The following SMCHD1 variants were observed in gnomAD, a reference collection of about 807,000 sequenced individuals.
The protein encoded by SMCHD1 is structural maintenance of chromosomes flexible hinge domain containing 1, also known as structural maintenance of chromosomes flexible hinge domain-containing protein 1.
SMCHD1 carries 78 observed loss-of-function variants against 254.7 expected under a neutral mutation model. The ratio of observed to expected loss-of-function variants is 0.31; its 90% confidence interval spans 0.26 to 0.37. The LOEUF (loss-of-function observed/expected upper bound fraction) is 0.37, where lower values mean the gene tolerates loss of function less well. Ranked by LOEUF, SMCHD1 falls within the 10% of genes least tolerant of loss-of-function variation. The pLI, the probability that SMCHD1 is intolerant of heterozygous loss-of-function variation, is 1.00. For missense variants in SMCHD1, 1,840 were observed against 2,408.1 expected (o/e 0.76, Z 4.94); for synonymous variants, 766 against 794.9 (o/e 0.96, Z 0.61).
chr18:2,773,697 G>A (rs575125301), intron 41 of SMCHD1, among the ~76,000 whole-genome samples: 3 of 152,228 alleles, frequency 2.0e-5, no homozygotes, highest in Non-Finnish European at 2.9e-5. Context: ...CAAGACAGGC[G>A]CATTACCTGA....
rs1430015626 is a variant in SMCHD1 at position 2,726,354 on chromosome 18, A to G, written c.2701-98A>G. ...GTTGGTAAGTAATTTCTACAATGGT[A>G]TGAAAATAAAACCAAAATATAAATC... On this transcript the variant is annotated intron_variant, in intron 21 of 47. Transcript: ENST00000320876. 4 of 599,280 alleles carry G rather than the reference A, an allele frequency of 6.7e-6. No individual in the cohort carries two copies. In the Admixed American group the frequency reaches 1.1e-4, roughly 16 times the overall value. The allele number at this position is 599,280 out of a possible 1,614,324, so 37.1% of individuals were successfully genotyped here.
At chr18:2,778,435 C>A (rs111998874) in intron 44 of SMCHD1, among the ~76,000 whole-genome samples, 196 bp downstream of exon 44, 3 of 152,064 alleles carry the variant, frequency 2.0e-5, no homozygotes, top group African/African-American at 7.2e-5. Context: ...TTTGGGGCTA[C>A]GAAATTGTCT....
rs536098845 is a variant in SMCHD1 at position 2,683,383 on chromosome 18, G to A, written c.639-5011G>A. On this transcript the variant is annotated intron_variant, in intron 5 of 47. Transcript: ENST00000320876. ...TCCTTTGCAACTTGGTATTTAACCT[G>A]TGGATTGTTTTAAAAGTGTGTGAAT... Among the ~76,000 whole-genome samples the A allele has an allele frequency of 1.1e-4, 16 of 152,250 alleles. No homozygotes were observed. In the East Asian group the frequency reaches 3.1e-3, roughly 29 times the overall value.
At chr18:2,769,895 A>T (rs2075945693) in intron 38 of SMCHD1, 75 bp downstream of exon 38, 2 of 1,544,246 alleles carry the variant, frequency 1.3e-6, no homozygotes, top group African/African-American at 2.8e-5. Context: ...GCTTTCCATT[A>T]ACTTGGTGTT....
At position 2,802,777 on chromosome 18, in the gene SMCHD1, T is replaced by C. The variant is rs2076387587; in HGVS notation, c.*225T>C. On this transcript the variant is annotated 3_prime_UTR_variant, in exon 48 of 48. Transcript: ENST00000320876. The stretch of plus-strand genomic sequence containing the variant: ...GATTTACTGGAATTATTCCAGACAT[T>C]ATGCCCTTTGGTTGTCACTACCTTG... 1 of 425,244 alleles carries C rather than the reference T, an allele frequency of 2.4e-6. No homozygotes were observed. The highest frequency in any genetic ancestry group is 3.6e-5 in the East Asian group (1 of 27,480). 26.3% of individuals were successfully genotyped at this position (425,244 alleles called of 1,614,324 possible).
chr18:2,659,213 G>T (rs1328608885), intron 1 of SMCHD1, among the ~76,000 whole-genome samples: 1 of 152,170 alleles, frequency 6.6e-6, no homozygotes, highest in Non-Finnish European at 1.5e-5. Flanking sequence ...TGCCACCCAG[G>T]TTCAAGTGAT....
At chr18:2,754,259 AT>A (rs772677636) in intron 34 of SMCHD1, among the ~76,000 whole-genome samples, 1 of 152,202 alleles carries the variant, frequency 6.6e-6, no homozygotes, top group Non-Finnish European at 1.5e-5. Flanking sequence ...TTACTATATT[AT>A]TGTGTTGGGG....
rs750886269 is a variant in SMCHD1 at position 2,666,929 on chromosome 18, C to G, written c.322C>G (p.Leu108Val). ...GCTACAGTCGGTCAATCAGTTACTA[C>G]TGACAGCTACGAAAGAACGAATTGA... Reference protein sequence around the residue: ...YLLQSVNQLLLTATKERIDFL... With the variant: ...YLLQSVNQLLVTATKERIDFL... Residue 108 changes from leucine (L) to valine (V), a missense_variant, in exon 3 of 48, where the codon CTG becomes GTG. This residue lies in a region of SMCHD1 where 37 missense variants were observed against 54.2 expected (regional missense o/e 0.68). Transcript: ENST00000320876. The G allele has an allele frequency of 6.2e-7, 1 of 1,612,938 alleles. No homozygotes were observed.
intron 17 of SMCHD1, 34 bp downstream of exon 17, chr18:2,707,954 T>C (rs199637568): frequency 8.0e-7 from 1 of 1,255,354 alleles, no homozygotes; most frequent in African/African-American, 1.5e-5. Context: ...TCTTTAATAT[T>C]GTTTTTAAAA....
chr18:2,790,760 C>CA (rs1568396818), intron 45 of SMCHD1, among the ~76,000 whole-genome samples: 1 of 152,068 alleles, frequency 6.6e-6, no homozygotes. Context: ...GATTCCATCT[C>CA]AAAAAACAAA....
chr18:2,658,926 A>C (rs2073161242), intron 1 of SMCHD1, among the ~76,000 whole-genome samples: 1 of 135,622 alleles, frequency 7.4e-6, no homozygotes, highest in African/African-American at 3.0e-5. Flanking sequence ...ACATATATAC[A>C]CATATATACA....
chr18:2,680,009 A>T (rs2073888573), intron 5 of SMCHD1, among the ~76,000 whole-genome samples: 1 of 151,886 alleles, frequency 6.6e-6, no homozygotes, highest in Admixed American at 6.6e-5. Flanking sequence ...CATTTTGGTT[A>T]TTGTTTTTTC....
chr18:2,660,893 G>T (rs1251110627), intron 1 of SMCHD1, among the ~76,000 whole-genome samples: 3 of 152,132 alleles, frequency 2.0e-5, no homozygotes, highest in Non-Finnish European at 2.9e-5. Flanking sequence ...GTTTATTGCA[G>T]CACTATTTAC....
At chr18:2,755,867 G>A (rs1027494596) in intron 34 of SMCHD1, among the ~76,000 whole-genome samples, 3 of 151,942 alleles carry the variant, frequency 2.0e-5, no homozygotes, top group East Asian at 1.9e-4. Flanking sequence ...GCCCTCGGCC[G>A]TGTATTTTCT....
At chr18:2,782,283 A>G (rs1203410060) in intron 44 of SMCHD1, among the ~76,000 whole-genome samples, 2 of 152,212 alleles carry the variant, frequency 1.3e-5, no homozygotes, top group African/African-American at 4.8e-5. Flanking sequence ...TTAGTGAGGT[A>G]GAATCAAGGT....
At position 2,796,104 on chromosome 18, in the gene SMCHD1, C is replaced by G; in HGVS notation, c.5875C>G (p.Leu1959Val). ...AAATCTCAAACTAATAGAGGAAAAA[C>G]TAGGTAAGTCTTTGCTTTTTGTTAA... ...EKNLKLIEEKLGMTPIRKCND... is the reference protein window; with the variant it reads ...EKNLKLIEEKVGMTPIRKCND... Residue 1959 changes from leucine (L) to valine (V), a missense_variant, in exon 46 of 48, where the codon CTA (leucine) becomes GTA (valine). Leu to Val is a conservative substitution (Grantham distance 32, BLOSUM62 1). Transcript: ENST00000320876. 1 of 1,539,454 alleles carries G rather than the reference C, an allele frequency of 6.5e-7. No individual in the cohort carries two copies. The highest frequency in any genetic ancestry group is 8.7e-7 in the Non-Finnish European group (1 of 1,146,398).
chr18:2,667,036 G>A lies in SMCHD1; in HGVS notation c.424+5G>A. The stretch of plus-strand genomic sequence containing the variant: ...GTGAAGGACAAAATCCTTTGCGTAA[G>A]TATCCCATTCATACTAATTTTGATA... On this transcript the variant is annotated splice_donor_5th_base_variant and intron_variant, in intron 3 of 47. Transcript: ENST00000320876. 1 of 1,561,046 alleles carries A rather than the reference G, an allele frequency of 6.4e-7. No homozygotes were observed. Among genetic ancestry groups the A allele is most frequent in the South Asian group, 1.2e-5 (1 of 85,520 alleles).
intron 25 of SMCHD1, among the ~76,000 whole-genome samples, chr18:2,735,709 T>C (rs2075235844): frequency 6.6e-6 from 1 of 152,066 alleles, no homozygotes; most frequent in South Asian, 2.1e-4. Flanking sequence ...GGAATACATC[T>C]AACCAAGGAA....
intron 23 of SMCHD1, 38 bp from the exon 24 acceptor site, chr18:2,729,237 T>G: frequency 7.2e-7 from 1 of 1,384,578 alleles, no homozygotes; most frequent in Non-Finnish European, 9.4e-7. Flanking sequence ...CAAATATATT[T>G]AATAGGGGTC....
Sources: gnomAD v4.1 joint callset for allele counts (sites outside exome capture counted in the v4.1 genomes callset) on GRCh38, gnomAD v4.1.1 for gene constraint, gnomAD v4.1.1 regional missense constraint, MANE v1.5 for transcripts, NCBI Gene and HGNC (gene_info 2026-07-23, HGNC 2026-07-21) for gene names.